UNC5D: variants seen among roughly 807,000 people sequenced by gnomAD.
UNC5D encodes the protein unc-5 netrin receptor D.
In UNC5D, 39 loss-of-function variants were observed where a neutral mutation model predicts 105.4. The ratio of observed to expected loss-of-function variants is 0.37; its 90% CI spans 0.29 to 0.48. The LOEUF (loss-of-function observed/expected upper bound fraction) is 0.48, where lower values mean the gene tolerates loss of function less well. Among genes scored for constraint, UNC5D ranks in the 20% least tolerant of loss-of-function variants. The pLI is 0.98. For synonymous variants in UNC5D, 452 were observed against 450.4 expected, an observed-to-expected ratio of 1.00 and a Z score of -0.04; for missense variants, 991 against 1,202.4, an observed-to-expected ratio of 0.82 and a Z score of 2.60.
chr8:35,784,375 AT>A (rs1802644304), intron 16 of UNC5D, among the ~76,000 whole-genome samples: 1 of 152,146 alleles, frequency 6.6e-6, no homozygotes, highest in Admixed American at 6.5e-5. Flanking sequence ...AAAGGAAAAG[AT>A]AAAGTTATTG....
intron 4 of UNC5D, among the ~76,000 whole-genome samples, chr8:35,631,149 C>A (rs1467280415): frequency 6.6e-6 from 1 of 152,034 alleles, no homozygotes; most frequent in Non-Finnish European, 1.5e-5. Context: ...CCCATCTCTA[C>A]CAAAATACAA....
chr8:35,708,303 A>G (rs1827724273), intron 8 of UNC5D, among the ~76,000 whole-genome samples: 1 of 152,194 alleles, frequency 6.6e-6, no homozygotes, highest in Non-Finnish European at 1.5e-5. Flanking sequence ...CAAACTGGGG[A>G]AAATATGTGC....
At chr8:35,268,466 C>T (rs556133746) in intron 1 of UNC5D, among the ~76,000 whole-genome samples, 6 of 152,186 alleles carry the variant, frequency 3.9e-5, no homozygotes, top group African/African-American at 1.4e-4. Flanking sequence ...CCTTGAACTC[C>T]TTTATCACCA....
At chr8:35,584,452 T>A in intron 3 of UNC5D, among the ~76,000 whole-genome samples, 1 of 152,082 alleles carries the variant, frequency 6.6e-6, no homozygotes, top group East Asian at 1.9e-4. Context: ...TCTCACTCCA[T>A]CTTTCAGACT....
At chr8:35,357,057 A>AG (rs1245528518) in intron 1 of UNC5D, among the ~76,000 whole-genome samples, 1 of 152,122 alleles carries the variant, frequency 6.6e-6, no homozygotes, top group Admixed American at 6.6e-5. Flanking sequence ...ACCACAGATG[A>AG]GGGGGGCTAC....
At chr8:35,258,221 G>T (rs1187697804) in intron 1 of UNC5D, among the ~76,000 whole-genome samples, 1 of 152,202 alleles carries the variant, frequency 6.6e-6, no homozygotes, top group East Asian at 1.9e-4. Flanking sequence ...CACACTTGCT[G>T]CCTCAACCCA....
At chr8:35,684,492 C>T in intron 5 of UNC5D, 90 bp from the exon 6 acceptor site, 2 of 1,490,354 alleles carry the variant, frequency 1.3e-6, no homozygotes, top group South Asian at 1.4e-5. Context: ...ATGCCTGACT[C>T]ACAGCACCTG....
intron 1 of UNC5D, among the ~76,000 whole-genome samples, chr8:35,413,473 T>C (rs1175158066): frequency 2.6e-5 from 4 of 151,944 alleles, no homozygotes. Flanking sequence ...TTTTTTTTTT[T>C]TTAACTGCGG....
chr8:35,410,332 T>C (rs1284937395), intron 1 of UNC5D, among the ~76,000 whole-genome samples: 1 of 152,010 alleles, frequency 6.6e-6, no homozygotes, highest in Non-Finnish European at 1.5e-5. Context: ...AACAAGTCTC[T>C]ATGGGATTTG....
intron 1 of UNC5D, among the ~76,000 whole-genome samples, chr8:35,342,946 A>G (rs2076625463): frequency 6.6e-6 from 1 of 152,144 alleles, no homozygotes; most frequent in African/African-American, 2.4e-5. Context: ...TACATTTTAT[A>G]CAAGCTGTAG....
intron 1 of UNC5D, among the ~76,000 whole-genome samples, chr8:35,476,808 G>C (rs1171842213): frequency 6.6e-6 from 1 of 152,160 alleles, no homozygotes; most frequent in Non-Finnish European, 1.5e-5. Context: ...AATAAATGAA[G>C]GATTTTGCAT....
At chr8:35,478,285 T>C (rs1158806829) in intron 1 of UNC5D, among the ~76,000 whole-genome samples, 1 of 152,156 alleles carries the variant, frequency 6.6e-6, no homozygotes, top group Non-Finnish European at 1.5e-5. Context: ...GTTTTAAATA[T>C]TGATGATGAC....
intron 3 of UNC5D, among the ~76,000 whole-genome samples, chr8:35,589,167 A>G (rs1818991792): frequency 1.3e-5 from 2 of 152,292 alleles, no homozygotes; most frequent in Non-Finnish European, 1.5e-5. Flanking sequence ...TATTACTAAC[A>G]TGCATATGGT....
intron 1 of UNC5D, among the ~76,000 whole-genome samples, chr8:35,351,470 C>T (rs1812232572): frequency 1.3e-5 from 2 of 152,022 alleles, no homozygotes; most frequent in Non-Finnish European, 2.9e-5. Context: ...AATTTGAAGT[C>T]TCAAGTATTA....
At chr8:35,473,479 C>A (rs1354990468) in intron 1 of UNC5D, among the ~76,000 whole-genome samples, 1 of 152,108 alleles carries the variant, frequency 6.6e-6, no homozygotes, top group African/African-American at 2.4e-5. Context: ...TCATCCACTG[C>A]ACATTAATTG....
intron 1 of UNC5D, among the ~76,000 whole-genome samples, chr8:35,435,187 A>G (rs945211633): frequency 2.6e-5 from 4 of 152,112 alleles, no homozygotes; most frequent in Non-Finnish European, 4.4e-5. Flanking sequence ...CAATATGGTA[A>G]ATTCTTAATT....
chr8:35,527,390 T>C (rs190986579), intron 1 of UNC5D, among the ~76,000 whole-genome samples: 1 of 152,318 alleles, frequency 6.6e-6, no homozygotes, highest in East Asian at 1.9e-4. Flanking sequence ...GAGAAACTTA[T>C]TGCTCAAAGT....
intron 1 of UNC5D, among the ~76,000 whole-genome samples, chr8:35,478,324 A>G (rs1810254042): frequency 6.6e-6 from 1 of 152,148 alleles, no homozygotes; most frequent in Non-Finnish European, 1.5e-5. Context: ...TAACTAAGCA[A>G]CCTTTAAACT....
intron 4 of UNC5D, among the ~76,000 whole-genome samples, chr8:35,640,923 C>T (rs1586315613): frequency 6.6e-6 from 1 of 151,890 alleles, no homozygotes; most frequent in Admixed American, 6.6e-5. Context: ...CTTCCTCCTC[C>T]TCTCCTCTCT....
Sources: allele counts gnomAD v4.1 joint callset (sites outside exome capture counted in the v4.1 genomes callset), GRCh38; gene constraint gnomAD v4.1.1; transcripts MANE v1.5; gene names NCBI Gene and HGNC (gene_info 2026-07-23, HGNC 2026-07-21).